CLDN10: variants seen among roughly 807,000 people sequenced by gnomAD.
CLDN10 encodes claudin 10.
Under a neutral mutation model 22.9 loss-of-function variants are expected in CLDN10, and 15 were observed. The ratio of observed to expected loss-of-function variants is 0.65; its 90% CI spans 0.44 to 1.01. The LOEUF (loss-of-function observed/expected upper bound fraction) is 1.01. CLDN10 is among the 50% of genes least tolerant of loss of function. The pLI, the probability that CLDN10 is intolerant of heterozygous loss-of-function variation, is 0.00. For synonymous variants in CLDN10, 114 were observed against 111.4 expected, an observed-to-expected ratio of 1.02 and a Z score of -0.15; for missense variants, 247 against 287.8, an observed-to-expected ratio of 0.86 and a Z score of 1.03.
intron 1 of CLDN10, among the ~76,000 whole-genome samples, chr13:95,488,879 T>C (rs533113989): frequency 1.3e-5 from 2 of 152,138 alleles, no homozygotes; most frequent in African/African-American, 4.8e-5. Flanking sequence ...AATGATGTAA[T>C]GACTTCTTTT....
intron 1 of CLDN10, among the ~76,000 whole-genome samples, chr13:95,483,886 G>A (rs2042776368): frequency 6.6e-6 from 1 of 152,186 alleles, no homozygotes; most frequent in Admixed American, 6.5e-5. Context: ...GGGATGTGGG[G>A]CCTTTGGGAG....
chr13:95,575,590 C>CGTGTGTGTGTGTGT (rs112441621), intron 3 of CLDN10, among the ~76,000 whole-genome samples: 3,551 of 151,720 alleles, frequency 0.023, 130 homozygotes, highest in African/African-American at 0.081. Flanking sequence ...CTGCTCAGTT[C>CGTGTGTGTGTGTGT]GTGTGTGTGT....
At chr13:95,540,318 A>C (rs2043446486) in intron 1 of CLDN10, among the ~76,000 whole-genome samples, 1 of 150,254 alleles carries the variant, frequency 6.7e-6, no homozygotes. Flanking sequence ...ATAAATAAAT[A>C]AATAAATAAA....
chr13:95,569,067 T>C (rs2043821958), intron 3 of CLDN10, among the ~76,000 whole-genome samples: 2 of 152,214 alleles, frequency 1.3e-5, no homozygotes, highest in Non-Finnish European at 2.9e-5. Context: ...TTTAGAATCA[T>C]GCTAGTTCAT....
intron 1 of CLDN10, among the ~76,000 whole-genome samples, chr13:95,471,418 T>TACACACACAC (rs1219762768): frequency 3.9e-3 from 419 of 106,282 alleles, no homozygotes; most frequent in African/African-American, 8.7e-3. Flanking sequence ...CACACACATA[T>TACACACACAC]ACACACACAC....
At chr13:95,485,044 A>G (rs6492797) in intron 1 of CLDN10, among the ~76,000 whole-genome samples, 90,130 of 151,804 alleles carry the variant, frequency 0.59, 27,997 homozygotes, top group African/African-American at 0.79. Flanking sequence ...GACAGATGAG[A>G]TGGGCAGCAG....
intron 1 of CLDN10, among the ~76,000 whole-genome samples, chr13:95,514,959 T>A (rs1566311144): frequency 6.6e-6 from 1 of 152,128 alleles, no homozygotes; most frequent in Non-Finnish European, 1.5e-5. Context: ...AGATTTGAGA[T>A]ACACTATGGA....
At chr13:95,569,571 G>C (rs1475944494) in intron 3 of CLDN10, among the ~76,000 whole-genome samples, 2 of 152,034 alleles carry the variant, frequency 1.3e-5, no homozygotes, top group Non-Finnish European at 2.9e-5. Flanking sequence ...GCAACAGAGG[G>C]AGTGAGACTC....
At chr13:95,535,002 G>A (rs987998162) in intron 1 of CLDN10, among the ~76,000 whole-genome samples, 2 of 151,944 alleles carry the variant, frequency 1.3e-5, no homozygotes, top group Non-Finnish European at 2.9e-5. Context: ...CTGGTCTATT[G>A]GGGGAGGAAA....
chr13:95,461,203 C>T (rs2042533727), intron 1 of CLDN10, among the ~76,000 whole-genome samples: 1 of 152,196 alleles, frequency 6.6e-6, no homozygotes, highest in South Asian at 2.1e-4. Context: ...ACCTCAGCCT[C>T]CTAAAGTGCT....
At position 95,579,173 on chromosome 13, in the gene CLDN10, G is replaced by C. The variant is rs918506877; in HGVS notation, c.*1159G>C. 1 of 152,122 alleles carries C rather than the reference G, an allele frequency of 6.6e-6. No homozygotes were observed. Among genetic ancestry groups the C allele is most frequent in the African/African-American group, 2.4e-5 (1 of 41,430 alleles). The allele number at this position is 152,122 out of a possible 1,614,324, so 9.4% of individuals were successfully genotyped here. A position where few individuals can be genotyped will look rare whatever the true frequency, so the allele number is the denominator to read the frequency against. On this transcript the variant is annotated 3_prime_UTR_variant, in exon 5 of 5. Coordinates refer to ENST00000299339, the MANE Select transcript of CLDN10 (RefSeq NM_006984.5). ...GGTTAAGGACATCCCAAGCCCAAGT[G>C]GTACGTGCCTCACTCAGAACTGACG...
At position 95,552,985 on chromosome 13, in the gene CLDN10, C is replaced by T. The variant is rs1417587323; in HGVS notation, c.220+12C>T. 2 of 1,612,956 alleles carry T rather than the reference C, an allele frequency of 1.2e-6. No individual in the cohort carries two copies. The highest frequency in any genetic ancestry group is 2.2e-5 in the East Asian group (1 of 44,862). On this transcript the variant is annotated intron_variant, in intron 1 of 4. Coordinates refer to ENST00000299339, the MANE Select transcript of CLDN10 (RefSeq NM_006984.5). The stretch of plus-strand genomic sequence containing the variant: ...GCTGGCGCTGGACGGTCTGCATCCC[C>T]GCGGCCCCCGCCCTCAGCCCTCCTT...
intron 1 of CLDN10, among the ~76,000 whole-genome samples, chr13:95,488,950 C>CTTTTTTTTT (rs58919737): frequency 7.2e-5 from 8 of 110,750 alleles, no homozygotes; most frequent in Non-Finnish European, 1.2e-4. Flanking sequence ...ACTTTTTGTT[C>CTTTTTTTTT]TTTTTTTTTT....
intron 1 of CLDN10, among the ~76,000 whole-genome samples, chr13:95,547,344 C>T (rs556275123): frequency 2.0e-5 from 3 of 152,236 alleles, no homozygotes; most frequent in South Asian, 4.2e-4. Context: ...TGTTGGCATT[C>T]GACTCCACAC....
At chr13:95,505,621 G>T (rs1310054272) in intron 1 of CLDN10, among the ~76,000 whole-genome samples, 1 of 152,182 alleles carries the variant, frequency 6.6e-6, no homozygotes, top group Non-Finnish European at 1.5e-5. Context: ...TCGAATCACT[G>T]CCATAACAGG....
upstream of CLDN10, among the ~76,000 whole-genome samples, chr13:95,551,607 G>A (rs1389222040): frequency 6.6e-6 from 1 of 152,186 alleles, no homozygotes; most frequent in Non-Finnish European, 1.5e-5. Context: ...GTGACACAGA[G>A]GGTTAGCACG....
At chr13:95,547,601 T>C (rs1283900321) in intron 1 of CLDN10, among the ~76,000 whole-genome samples, 1 of 152,170 alleles carries the variant, frequency 6.6e-6, no homozygotes, top group East Asian at 1.9e-4. Context: ...TGTCATTTAG[T>C]CCCACGTTAT....
chr13:95,499,325 T>C (rs962690281), intron 1 of CLDN10, among the ~76,000 whole-genome samples: 3 of 152,190 alleles, frequency 2.0e-5, no homozygotes, highest in African/African-American at 7.2e-5. Context: ...GTGAATCACC[T>C]GAGGTCAGGA....
rs960938977 is a variant in CLDN10 at position 95,504,475 on chromosome 13, G to A, written c.215-55657G>A. The stretch of plus-strand genomic sequence containing the variant: ...GCTCACTACAACCTCCACCTCCCAG[G>A]TTCAAGCCATTCTCCTGCCTCAGCC... On this transcript the variant is annotated intron_variant, in intron 1 of 4. Coordinates refer to the CLDN10 transcript ENST00000376873. 1.6e-4 allele frequency among the ~76,000 whole-genome samples: 24 copies of A among 152,178 alleles called. No individual in the cohort carries two copies. In the East Asian group the frequency reaches 2.5e-3, roughly 16 times the overall value.
Sources: gnomAD v4.1 joint callset for allele counts (sites outside exome capture counted in the v4.1 genomes callset) on GRCh38, gnomAD v4.1.1 for gene constraint, MANE v1.5 for transcripts, NCBI Gene and HGNC (gene_info 2026-07-23, HGNC 2026-07-21) for gene names.